Variants in UBE3D observed in about 807,000 individuals in gnomAD.
UBE3D encodes ubiquitin protein ligase E3D, also known as E3 ubiquitin-protein ligase E3D.
UBE3D carries 48 observed loss-of-function variants against 49.6 expected under a neutral mutation model. The observed-to-expected ratio is 0.97, with a 90% confidence interval of 0.77 to 1.23. UBE3D has a LOEUF of 1.23. Ranked by LOEUF, UBE3D falls within the 50% of genes most tolerant of loss-of-function variation. UBE3D has a pLI of 0.00. For synonymous variants in UBE3D, 189 were observed against 174.2 expected, an observed-to-expected ratio of 1.08 and a Z score of -0.67; for missense variants, 452 against 468.4, an observed-to-expected ratio of 0.96 and a Z score of 0.32.
chr6:82,987,645 T>C (rs1778613432), intron 8 of UBE3D, among the ~76,000 whole-genome samples: 1 of 152,238 alleles, frequency 6.6e-6, no homozygotes, highest in Non-Finnish European at 1.5e-5. Context: ...TAAATTCATA[T>C]AGCGACTTTG....
At chr6:83,038,188 T>C (rs1306768283) in intron 5 of UBE3D, 3 of 393,206 alleles carry the variant, frequency 7.6e-6, no homozygotes, top group Non-Finnish European at 1.3e-5. Flanking sequence ...ACTCTGAAAA[T>C]GACTCAACTT....
intron 8 of UBE3D, among the ~76,000 whole-genome samples, chr6:83,003,200 G>A (rs1779750271): frequency 6.6e-6 from 1 of 152,118 alleles, no homozygotes; most frequent in Admixed American, 6.6e-5. Flanking sequence ...ATAGAACAGA[G>A]AAGAAACAAT....
downstream of UBE3D, among the ~76,000 whole-genome samples, chr6:82,891,400 C>T (rs898775978): frequency 3.3e-5 from 5 of 152,190 alleles, no homozygotes; most frequent in East Asian, 9.7e-4. Context: ...GCTGAGGAAC[C>T]CTGCTGTATA....
chr6:83,028,387 G>C (rs1264257280), intron 5 of UBE3D, among the ~76,000 whole-genome samples: 5 of 152,208 alleles, frequency 3.3e-5, no homozygotes, highest in Admixed American at 6.5e-5. Context: ...CCAGGCACCT[G>C]GCAAATGTCT....
At chr6:83,061,697 C>A (rs1322913698) in intron 1 of UBE3D, among the ~76,000 whole-genome samples, 4 of 152,234 alleles carry the variant, frequency 2.6e-5, no homozygotes, top group Admixed American at 6.5e-5. Flanking sequence ...CAACTCACCT[C>A]ACCCAGTTGG....
At chr6:82,891,311 T>G (rs1770974591), downstream of UBE3D, among the ~76,000 whole-genome samples, 2 of 152,190 alleles carry the variant, frequency 1.3e-5, no homozygotes, top group Non-Finnish European at 2.9e-5. Flanking sequence ...AGGTCAGGGA[T>G]GTTGCTAAAC....
chr6:83,064,608 T>C (rs1413747175), intron 1 of UBE3D, among the ~76,000 whole-genome samples: 1 of 152,052 alleles, frequency 6.6e-6, no homozygotes, highest in Non-Finnish European at 1.5e-5. Flanking sequence ...GTGTGTGTGG[T>C]TTTTGTTTTA....
chr6:82,896,284 A>C (rs1247016159), intron 9 of UBE3D, among the ~76,000 whole-genome samples: 1 of 152,182 alleles, frequency 6.6e-6, no homozygotes, highest in African/African-American at 2.4e-5. Context: ...TCTGTATTTC[A>C]TGTTTTTCAT....
chr6:82,910,158 A>C (rs988869384), intron 9 of UBE3D, among the ~76,000 whole-genome samples: 4 of 152,140 alleles, frequency 2.6e-5, no homozygotes, highest in African/African-American at 9.7e-5. Flanking sequence ...TAGGGAACCA[A>C]ATGCCTCTTC....
intron 9 of UBE3D, among the ~76,000 whole-genome samples, chr6:82,928,368 T>TA (rs1246645497): frequency 3.3e-5 from 5 of 152,082 alleles, no homozygotes; most frequent in Admixed American, 2.0e-4. Flanking sequence ...GTATGTATTA[T>TA]AAAAAAGCAC....
chr6:82,888,040 G>C (rs923579717), downstream of UBE3D, among the ~76,000 whole-genome samples: 109 of 152,178 alleles, frequency 7.2e-4, no homozygotes, highest in African/African-American at 2.6e-3. Flanking sequence ...TCCTTTCTCT[G>C]GTTTCCAGTG....
chr6:82,981,336 C>T (rs1381507559), intron 8 of UBE3D, among the ~76,000 whole-genome samples: 7 of 151,894 alleles, frequency 4.6e-5, no homozygotes, highest in Admixed American at 4.6e-4. Context: ...TTTTTATTAC[C>T]AAGATCATTC....
At chr6:82,960,219 T>C (rs1302932899) in intron 8 of UBE3D, among the ~76,000 whole-genome samples, 1 of 152,206 alleles carries the variant, frequency 6.6e-6, no homozygotes, top group African/African-American at 2.4e-5. Flanking sequence ...CTTTTCTGTG[T>C]TTAAAAAATT....
intron 9 of UBE3D, among the ~76,000 whole-genome samples, chr6:82,910,650 A>T (rs1004717023): frequency 1.3e-5 from 2 of 152,190 alleles, no homozygotes; most frequent in African/African-American, 4.8e-5. Flanking sequence ...AGCATTCCAG[A>T]GGTTCCATGG....
intron 9 of UBE3D, among the ~76,000 whole-genome samples, chr6:82,942,212 T>G (rs138794802): frequency 6.6e-6 from 1 of 152,324 alleles, no homozygotes; most frequent in East Asian, 1.9e-4. Flanking sequence ...AAGGTCACTC[T>G]TGCTATGTTT....
chr6:82,888,121 C>T (rs1046752521), downstream of UBE3D, among the ~76,000 whole-genome samples: 1 of 151,964 alleles, frequency 6.6e-6, no homozygotes, highest in African/African-American at 2.4e-5. Context: ...CAATTTCTTT[C>T]CCAGTTTCAA....
chr6:82,891,221 CACA>C (rs1342993759), downstream of UBE3D, among the ~76,000 whole-genome samples: 1 of 152,196 alleles, frequency 6.6e-6, no homozygotes, highest in African/African-American at 2.4e-5. Context: ...TTTTGTCAAT[CACA>C]ACAATATCTA....
chr6:82,997,495 G>A (rs1397143282), intron 8 of UBE3D, among the ~76,000 whole-genome samples: 4 of 152,264 alleles, frequency 2.6e-5, no homozygotes, highest in Admixed American at 6.5e-5. Context: ...AGAGGCGGGA[G>A]GATCACAAGG....
Position 82,964,681 on chromosome 6 carries a change from T to C in UBE3D, c.1011-7231A>G, listed in dbSNP as rs564414896. Among the ~76,000 whole-genome samples, 5 of 152,276 alleles carry C rather than the reference T, an allele frequency of 3.3e-5. No homozygotes were observed. In the South Asian group the frequency reaches 1.0e-3, roughly 32 times the overall value. ...GCAAAACAAGCAAATTGCAACAACT[T>C]AGTGATAGAATTTTTATAAACATTC... On this transcript the variant is annotated intron_variant, in intron 8 of 9. Transcript: ENST00000369747.
Sources: allele counts gnomAD v4.1 joint callset (sites outside exome capture counted in the v4.1 genomes callset), GRCh38; gene constraint gnomAD v4.1.1; transcripts MANE v1.5; gene names NCBI Gene and HGNC (gene_info 2026-07-23, HGNC 2026-07-21).